The following PHYKPL variants were observed in gnomAD, a reference collection of about 807,000 sequenced individuals.
PHYKPL encodes the protein 5-phosphonooxy-L-lysine phospho-lyase.
Under a neutral mutation model 51.3 loss-of-function variants are expected in PHYKPL, and 42 were observed. That is an observed-to-expected ratio of 0.82 (90% CI 0.64 to 1.06). The LOEUF (loss-of-function observed/expected upper bound fraction) is 1.06, where lower values mean the gene tolerates loss of function less well. PHYKPL is among the 50% of genes least tolerant of loss of function. The pLI is 0.00. For synonymous variants in PHYKPL, 264 were observed against 236.0 expected, an observed-to-expected ratio of 1.12 and a Z score of -1.09; for missense variants, 655 against 586.6, an observed-to-expected ratio of 1.12 and a Z score of -1.20.
chr5:178,222,724 C>A (rs988848917), intron 7 of PHYKPL, 128 bp downstream of exon 7: 2 of 1,355,672 alleles, frequency 1.5e-6, no homozygotes, highest in African/African-American at 2.9e-5. Context: ...CTGGGCCATT[C>A]TTTCTTTAAG....
In PHYKPL at chr5:178,230,112, C is replaced by G. The variant is rs754987843; in HGVS notation, c.179-13G>C. 3 of 1,612,924 alleles carry G rather than the reference C, an allele frequency of 1.9e-6. No individual in the cohort carries two copies. Among genetic ancestry groups the G allele is most frequent in the Non-Finnish European group, 2.5e-6 (3 of 1,179,670 alleles). On this transcript the variant is annotated splice_polypyrimidine_tract_variant and intron_variant, in intron 2 of 12. Coordinates refer to ENST00000308158, the MANE Select transcript of PHYKPL (RefSeq NM_153373.4). ...TGGCAGTGCCCAACTGGAAGAGGGC[C>G]GCCTCCGTCACACGGCTGGCTCCAC...
chr5:178,209,257 C>A (rs1757407166), intron 12 of PHYKPL: 1 of 1,139,418 alleles, frequency 8.8e-7, no homozygotes, highest in Non-Finnish European at 1.3e-6. Flanking sequence ...ATGTTTGTCG[C>A]AGTGAAGGTG....
At chr5:178,220,733 A>AAC (rs1554110864) in intron 8 of PHYKPL, among the ~76,000 whole-genome samples, 2,197 of 146,740 alleles carry the variant, frequency 0.015, 51 homozygotes, top group African/African-American at 0.046. Context: ...AAAAAAAAAA[A>AAC]AAAACAAAAA....
intron 6 of PHYKPL, chr5:178,223,809 T>A (rs1341536177): frequency 3.7e-6 from 1 of 269,880 alleles, no homozygotes; most frequent in Non-Finnish European, 7.4e-6. Flanking sequence ...CACCTCTCTC[T>A]CCTATGTCTG....
At chr5:178,231,319 C>T (rs1172172606) in intron 2 of PHYKPL, 86 bp downstream of exon 2, 2 of 1,602,514 alleles carry the variant, frequency 1.2e-6, no homozygotes. Flanking sequence ...TTCTCCACAC[C>T]TCTCGGCAAT....
intron 8 of PHYKPL, chr5:178,217,053 T>G (rs1759946273): frequency 6.6e-6 from 1 of 151,774 alleles, no homozygotes; most frequent in Non-Finnish European, 1.5e-5. Flanking sequence ...CAAAACCAAA[T>G]ATGTTAAGAG....
At position 178,213,007 on chromosome 5, in the gene PHYKPL, C is replaced by T. The variant is rs145963289; in HGVS notation, c.1269G>A (p.Arg423=). 2.3e-5 allele frequency: 37 copies of T among 1,614,044 alleles called. No homozygotes were observed. Among genetic ancestry groups the T allele is most frequent in the Non-Finnish European group, 3.1e-5 (36 of 1,180,022 alleles). ...TGGCATCCAGCTTTGCCACCACCTG[C>T]CGTGCATTGTCCAGGCTGAAGCACA... The part of the protein sequence containing the change: ...PPMCFSLDNA[R]QVVAKLDAIL... The change falls in exon 11 of 13, where the codon CGG becomes CGA. Residue 423 remains arginine, a synonymous_variant. Transcript: ENST00000308158.
Position 178,211,960 on chromosome 5 carries a change from C to A in PHYKPL, c.1314G>T (p.Glu438Asp), listed in dbSNP as rs780596985. ...TCAGCGTTTCACAACTTCTCACCTT[C>A]TCTTCCATGTCTGAAAAAGACCACA... ...KLDAILTDME[E>D]KVRSCETLRL... Residue 438 changes from glutamate to aspartate, a missense_variant, in exon 12 of 13, where the codon GAG becomes GAT. Transcript: ENST00000308158. The A allele has an allele frequency of 6.2e-7, 1 of 1,614,210 alleles. No homozygotes were observed.
At chr5:178,212,212 T>G (rs961645649) in intron 11 of PHYKPL, among the ~76,000 whole-genome samples, 27 of 152,300 alleles carry the variant, frequency 1.8e-4, no homozygotes, top group African/African-American at 6.0e-4. Flanking sequence ...CAGCCTTTGC[T>G]CTCCACAAAC....
intron 8 of PHYKPL, among the ~76,000 whole-genome samples, chr5:178,217,694 T>TA (rs1461678672): frequency 2.0e-5 from 3 of 146,436 alleles, no homozygotes; most frequent in South Asian, 2.2e-4. Context: ...CCGTCTGTAC[T>TA]AAAAATACAA....
At chr5:178,212,344 G>A (rs554575229) in intron 11 of PHYKPL, among the ~76,000 whole-genome samples, 21 of 152,380 alleles carry the variant, frequency 1.4e-4, no homozygotes, top group African/African-American at 5.1e-4. Flanking sequence ...CCAGAGGTAG[G>A]AGGGCACAGG....
intron 12 of PHYKPL, chr5:178,210,508 C>T (rs376872028): frequency 6.3e-7 from 1 of 1,583,330 alleles, no homozygotes; most frequent in Non-Finnish European, 8.7e-7. Flanking sequence ...TGGCACAGGG[C>T]AAATGCTTGT....
rs1296926999 is a variant in PHYKPL at position 178,224,635 on chromosome 5, T to C, written c.501+7A>G. ...ACCGACCTGTTGTTGAGTTGGGCAG[T>C]GCATACCACGTGGACCCACTCCTTC... is the stretch of plus-strand genomic sequence containing the variant. On this transcript the variant is annotated splice_region_variant and intron_variant, in intron 5 of 12. Transcript: ENST00000308158. 2.5e-6 allele frequency: 4 copies of C among 1,614,200 alleles called. No homozygotes were observed. In the Admixed American group the frequency reaches 6.7e-5, roughly 27 times the overall value.
chr5:178,223,779 T>C (rs986863668), intron 6 of PHYKPL: 1 of 307,024 alleles, frequency 3.3e-6, no homozygotes, highest in African/African-American at 2.2e-5. Flanking sequence ...GTCTTCCCTC[T>C]GTTGTCACCG....
intron 8 of PHYKPL, among the ~76,000 whole-genome samples, chr5:178,217,545 T>G (rs1760072394): frequency 6.9e-6 from 1 of 145,000 alleles, no homozygotes; most frequent in African/African-American, 2.5e-5. Context: ...AGCCGGCAGA[T>G]GAAAGAATCA....
chr5:178,231,563 A>ACCGAAAGGGTGAAGTCTACTCAT (rs1210606970), intron 1 of PHYKPL, 40 bp from the exon 2 acceptor site: 4 of 1,613,838 alleles, frequency 2.5e-6, no homozygotes, highest in Non-Finnish European at 3.4e-6. Flanking sequence ...ATGTCTGAAG[A>ACCGAAAGGGTGAAGTCTACTCAT]CCGAAAGGGT....
chr5:178,208,764 C>G lies in PHYKPL; in HGVS notation c.*183G>C, dbSNP rs1001636041. ...AGGGGATGCAGACATCTGGGTTATT[C>G]CAACAGACCAGTGGTTAGGAGGAGG... On this transcript the variant is annotated 3_prime_UTR_variant, in exon 13 of 13. Transcript: ENST00000308158. 1 of 153,068 alleles carries G rather than the reference C, an allele frequency of 6.5e-6. No homozygotes were observed. The highest frequency in any genetic ancestry group is 1.5e-5 in the Non-Finnish European group (1 of 68,676). The allele number at this position is 153,068 out of a possible 1,614,324, so 9.5% of individuals were successfully genotyped here. A position where few individuals can be genotyped will look rare whatever the true frequency, so the allele number is the denominator to read the frequency against.
chr5:178,210,681 A>G (rs1757995329), intron 12 of PHYKPL: 2 of 1,344,000 alleles, frequency 1.5e-6, no homozygotes, highest in East Asian at 4.6e-5. Context: ...TATGGAGTGA[A>G]CACAATTATG....
chr5:178,220,390 G>A (rs1760912261), intron 8 of PHYKPL, among the ~76,000 whole-genome samples: 1 of 151,186 alleles, frequency 6.6e-6, no homozygotes, highest in Admixed American at 6.6e-5. Flanking sequence ...AGCTACTGGG[G>A]AGGTTGAGGC....
Sources: allele counts gnomAD v4.1 joint callset (sites outside exome capture counted in the v4.1 genomes callset), GRCh38; gene constraint gnomAD v4.1.1; transcripts MANE v1.5; gene names NCBI Gene and HGNC (gene_info 2026-07-23, HGNC 2026-07-21).